C1QTNF2: variants seen among roughly 807,000 people sequenced by gnomAD.
C1QTNF2 encodes the protein C1q and TNF related 2.
Under a neutral mutation model 17.4 loss-of-function variants are expected in C1QTNF2, and 15 were observed. That is an observed-to-expected ratio of 0.86 (90% CI 0.58 to 1.33). The LOEUF (loss-of-function observed/expected upper bound fraction) is 1.33. Ranked by LOEUF, C1QTNF2 falls within the 40% of genes most tolerant of loss-of-function variation. C1QTNF2 has a pLI of 0.00. For synonymous variants in C1QTNF2, 154 were observed against 163.3 expected, an observed-to-expected ratio of 0.94 and a Z score of 0.44; for missense variants, 381 against 392.3, an observed-to-expected ratio of 0.97 and a Z score of 0.24.
chr5:160,355,357 G>C, intron 1 of C1QTNF2: 1 of 466,744 alleles, frequency 2.1e-6, no homozygotes, highest in Non-Finnish European at 2.8e-6. Context: ...TGAATGGAGA[G>C]AAATGATCCA....
At chr5:160,361,788 A>G (rs996433926) in intron 1 of C1QTNF2, among the ~76,000 whole-genome samples, 15 of 152,172 alleles carry the variant, frequency 9.9e-5, no homozygotes, top group Admixed American at 9.2e-4. Context: ...CTCAGGTCTC[A>G]TATCATCTCC....
rs1393405391 is a variant in C1QTNF2 at position 160,354,595 on chromosome 5, A to ATAT, written c.244+172_244+173insATA. ...CTCTGTCTCAAGGGGAAAAAAAAAAAAAGTATATATATATATATATATATA... is the reference window on the plus strand; with the variant it reads ...CTCTGTCTCAAGGGGAAAAAAAAAAATATAAGTATATATATATATATATATATA... On this transcript the variant is annotated intron_variant, in intron 2 of 2. Transcript: ENST00000652664. Among the ~76,000 whole-genome samples, 27 of 32,736 alleles carry ATAT rather than the reference A, an allele frequency of 8.2e-4. 1 individual carries two copies. The highest frequency in any genetic ancestry group is 2.8e-3 in the African/African-American group (25 of 8,900). The allele number at this position is 32,736 out of a possible 152,430, so 21.5% of individuals were successfully genotyped here.
At position 160,354,939 on chromosome 5, in the gene C1QTNF2, T is replaced by C. The variant is rs1307330906; in HGVS notation, c.73A>G (p.Arg25Gly). 2.5e-6 allele frequency: 4 copies of C among 1,597,322 alleles called. No homozygotes were observed. Among genetic ancestry groups the C allele is most frequent in the East Asian group, 2.3e-5 (1 of 44,334 alleles). The part of the protein sequence containing the change: ...ADPLLGAFAR[R>G]DFRKGSPQLV... ...TGAGGGGAGCCTTTCCGGAAGTCCC[T>C]GCGAGCAAAGGCGCCAAGCAGTGGG... The change falls in exon 2 of 3, where the codon AGG becomes GGG. Residue 25 changes from arginine to glycine, a missense_variant. Coordinates refer to ENST00000652664, the MANE Select transcript of C1QTNF2 (RefSeq NM_031908.6).
At chr5:160,355,826 A>G (rs561730694) in intron 1 of C1QTNF2, among the ~76,000 whole-genome samples, 27 of 152,168 alleles carry the variant, frequency 1.8e-4, no homozygotes, top group African/African-American at 6.0e-4. Context: ...TTTTAAGCTC[A>G]TCACCTATCG....
chr5:160,355,152 A>G, intron 1 of C1QTNF2, 132 bp from the exon 2 acceptor site: 1 of 1,415,678 alleles, frequency 7.1e-7, no homozygotes, highest in Non-Finnish European at 9.3e-7. Flanking sequence ...TCTTTCCTGC[A>G]TCACATACAA....
At chr5:160,353,469 C>T (rs370279104) in intron 2 of C1QTNF2, among the ~76,000 whole-genome samples, 1 of 152,120 alleles carries the variant, frequency 6.6e-6, no homozygotes, top group Non-Finnish European at 1.5e-5. Context: ...CTGTCAGTCA[C>T]AATGACTGAC....
At chr5:160,363,965 G>A (rs987271856) in intron 1 of C1QTNF2, among the ~76,000 whole-genome samples, 3 of 152,164 alleles carry the variant, frequency 2.0e-5, no homozygotes, top group African/African-American at 7.2e-5. Flanking sequence ...GAGTGGGTGT[G>A]AGCAGCTCAG....
At chr5:160,350,473 A>G (rs923071079) in intron 2 of C1QTNF2, among the ~76,000 whole-genome samples, 1 of 152,110 alleles carries the variant, frequency 6.6e-6, no homozygotes, top group Non-Finnish European at 1.5e-5. Flanking sequence ...GGAAGCTGGG[A>G]CTGGAGGATT....
chr5:160,360,585 G>C (rs1214116916), intron 1 of C1QTNF2, among the ~76,000 whole-genome samples: 1 of 152,122 alleles, frequency 6.6e-6, no homozygotes, highest in African/African-American at 2.4e-5. Context: ...GCTCCATAGA[G>C]AGCTGTCCAA....
intron 1 of C1QTNF2, among the ~76,000 whole-genome samples, chr5:160,359,177 A>T (rs923084173): frequency 2.0e-5 from 3 of 152,068 alleles, no homozygotes; most frequent in Non-Finnish European, 4.4e-5. Flanking sequence ...ATACTCCAAG[A>T]AGTGAAGTTA....
intron 1 of C1QTNF2, among the ~76,000 whole-genome samples, chr5:160,361,001 G>A (rs1273918038): frequency 1.3e-5 from 2 of 151,886 alleles, no homozygotes; most frequent in Non-Finnish European, 2.9e-5. Context: ...TCATCATGCT[G>A]GCCAGGCTGG....
intron 1 of C1QTNF2, among the ~76,000 whole-genome samples, chr5:160,362,167 T>C (rs368561554): frequency 2.8e-4 from 43 of 152,282 alleles, no homozygotes; most frequent in African/African-American, 1.0e-3. Flanking sequence ...TATAGACCGA[T>C]AAGACCCTGA....
At chr5:160,366,072 T>A (rs899893555) in intron 1 of C1QTNF2, among the ~76,000 whole-genome samples, 6 of 152,226 alleles carry the variant, frequency 3.9e-5, no homozygotes, top group African/African-American at 1.4e-4. Flanking sequence ...GTACACACTG[T>A]GCCCTATTTG....
rs1763843892 is a variant in C1QTNF2, at chr5:160,348,495, T to G, written c.*673A>C. 6.6e-6 allele frequency: 1 copy of G among 152,260 alleles called. No individual in the cohort carries two copies. Among genetic ancestry groups the G allele is most frequent in the African/African-American group, 2.4e-5 (1 of 41,460 alleles). The allele number at this position is 152,260 out of a possible 1,614,324, so 9.4% of individuals were successfully genotyped here. On this transcript the variant is annotated 3_prime_UTR_variant, in exon 3 of 3. Transcript: ENST00000652664. The stretch of plus-strand genomic sequence containing the variant: ...CAGAGCCTTTTGCTGGAGACCTCTT[T>G]TCGAGGCCTTTGTGTTGCTCTATTT...
At chr5:160,352,689 C>T (rs534851526) in intron 2 of C1QTNF2, among the ~76,000 whole-genome samples, 1 of 152,310 alleles carries the variant, frequency 6.6e-6, no homozygotes, top group East Asian at 1.9e-4. Context: ...CTGAGTCTGC[C>T]GCCGTGGTCA....
intron 1 of C1QTNF2, among the ~76,000 whole-genome samples, chr5:160,368,096 A>C (rs1764278115): frequency 6.6e-6 from 1 of 152,204 alleles, no homozygotes; most frequent in Non-Finnish European, 1.5e-5. Context: ...CCCCTCAGCT[A>C]ACAGGGGAGT....
At chr5:160,352,465 C>A (rs1018573968) in intron 2 of C1QTNF2, among the ~76,000 whole-genome samples, 2 of 152,146 alleles carry the variant, frequency 1.3e-5, no homozygotes, top group African/African-American at 4.8e-5. Flanking sequence ...TGGGACTCTC[C>A]CAACACTGCC....
At chr5:160,354,002 G>C (rs949528708) in intron 2 of C1QTNF2, among the ~76,000 whole-genome samples, 1 of 151,602 alleles carries the variant, frequency 6.6e-6, no homozygotes, top group South Asian at 2.1e-4. Flanking sequence ...ATGGGGTTTT[G>C]CCATGTTGGC....
chr5:160,370,529 A>G lies in C1QTNF2; in HGVS notation c.-27T>C, dbSNP rs767356430. 4 of 1,490,800 alleles carry G rather than the reference A, an allele frequency of 2.7e-6. No individual in the cohort carries two copies. The African/African-American group carries it at 4.4e-5, about 16-fold the overall frequency. The allele number at this position is 1,490,800 out of a possible 1,614,324, so 92.3% of individuals were successfully genotyped here. ...ACACTCACCCTCGCGGCTGCCCGCCACGTCCAGGGGCGTCCGGAGCAAAGA... is the reference window on the plus strand; with the variant it reads ...ACACTCACCCTCGCGGCTGCCCGCCGCGTCCAGGGGCGTCCGGAGCAAAGA... On this transcript the variant is annotated 5_prime_UTR_variant, in exon 1 of 3. Transcript: ENST00000652664.
Sources: gnomAD v4.1 joint callset for allele counts (sites outside exome capture counted in the v4.1 genomes callset) on GRCh38, gnomAD v4.1.1 for gene constraint, MANE v1.5 for transcripts, NCBI Gene and HGNC (gene_info 2026-07-23, HGNC 2026-07-21) for gene names.